Variants in PCDHGB1 observed in about 807,000 individuals in gnomAD.
PCDHGB1 encodes the protein protocadherin gamma subfamily B, 1, also known as protocadherin gamma-B1.
A neutral mutation model predicts 56.6 loss-of-function variants in PCDHGB1; 34 were observed. That is an observed-to-expected ratio of 0.60 (90% confidence interval 0.46 to 0.80). The LOEUF (loss-of-function observed/expected upper bound fraction) is 0.80, where lower values mean the gene tolerates loss of function less well. PCDHGB1 is among the 30% of genes least tolerant of loss of function. The probability of loss-of-function intolerance (pLI) is 0.00; values close to 1 mark genes in which losing one functional copy is unlikely to be tolerated. For missense variants in PCDHGB1, 1,278 were observed against 1,204.6 expected (o/e 1.06, Z -0.90); for synonymous variants, 561 against 505.9 (o/e 1.11, Z -1.46).
chr5:141,364,466 G>C (rs1391136210), intron 1 of PCDHGB1: 2 of 1,613,872 alleles, frequency 1.2e-6, no homozygotes, highest in Non-Finnish European at 8.5e-7. Flanking sequence ...CTCCTTCGTC[G>C]GCAACATAGC....
chr5:141,449,475 C>T (rs1351574160), intron 1 of PCDHGB1, among the ~76,000 whole-genome samples: 8 of 150,696 alleles, frequency 5.3e-5, no homozygotes, highest in African/African-American at 1.9e-4. Flanking sequence ...GGCCTGGTAC[C>T]CCATGCCTAA....
chr5:141,410,086 G>C (rs759204005), intron 1 of PCDHGB1: 1 of 1,612,588 alleles, frequency 6.2e-7, no homozygotes, highest in Non-Finnish European at 8.5e-7. Flanking sequence ...AGGTGCGCAC[G>C]GCTCGAGCCT....
Position 141,477,029 on chromosome 5 carries a change from A to T in PCDHGB1, c.2410-17778A>T, listed in dbSNP as rs754045855. ...CTTAGACCTTGTAACCGGGATGCTG[A>T]CAATCAAGGGTCGGCTGGACTTCGA... On this transcript the variant is annotated intron_variant, in intron 1 of 3. Transcript: ENST00000523390. This position sits in a 1 kb window ranked among gnomAD's most constrained non-coding sequence, Gnocchi z 4.9. 2 of 1,614,238 alleles carry T rather than the reference A, an allele frequency of 1.2e-6. No homozygotes were observed. The highest frequency in any genetic ancestry group is 3.3e-5 in the Admixed American group (2 of 60,028).
Position 141,505,420 on chromosome 5 carries a change from C to G in PCDHGB1, c.2496C>G (p.Thr832=), listed in dbSNP as rs1236398971. 6.2e-7 allele frequency: 1 copy of G among 1,614,102 alleles called. No individual in the cohort carries two copies. Among genetic ancestry groups the G allele is most frequent in the Non-Finnish European group, 8.5e-7 (1 of 1,180,034 alleles). ...SGSQNGDDTG[T]WPNNQFDTEM... is the part of the protein sequence containing the mutation. ...CCCAAAATGGCGATGACACCGGCACCTGGCCCAACAACCAGTTTGACACAG... is the reference window on the plus strand; with the variant it reads ...CCCAAAATGGCGATGACACCGGCACGTGGCCCAACAACCAGTTTGACACAG... The change falls in exon 3 of 4, where the codon ACC becomes ACG. Residue 832 remains threonine (T), a synonymous_variant. Coordinates refer to ENST00000523390, the MANE Select transcript of PCDHGB1 (RefSeq NM_018922.3).
intron 1 of PCDHGB1, among the ~76,000 whole-genome samples, chr5:141,358,907 T>C (rs1050690126): frequency 3.3e-5 from 5 of 152,202 alleles, no homozygotes; most frequent in African/African-American, 1.2e-4. Context: ...TGAGGGAAAA[T>C]ATTTTGTGTG....
At chr5:141,411,425 A>AC (rs971774943) in intron 1 of PCDHGB1, 58 of 150,512 alleles carry the variant, frequency 3.9e-4, no homozygotes, top group African/African-American at 1.4e-3. Flanking sequence ...AACAACAACA[A>AC]AAAAAAACAT....
At chr5:141,393,000 G>C (rs772046833) in intron 1 of PCDHGB1, 5 of 1,613,856 alleles carry the variant, frequency 3.1e-6, no homozygotes, top group African/African-American at 1.3e-5. Context: ...GGCGAAGCAC[G>C]GAGTCCGTAT....
intron 1 of PCDHGB1, chr5:141,384,205 A>T: frequency 6.2e-7 from 1 of 1,613,874 alleles, no homozygotes; most frequent in Non-Finnish European, 8.5e-7. Context: ...GTCCAGGGAA[A>T]CTCACATATT....
At chr5:141,418,407 A>C (rs1165583519) in intron 1 of PCDHGB1, 1 of 1,613,926 alleles carries the variant, frequency 6.2e-7, no homozygotes, top group Non-Finnish European at 8.5e-7. Flanking sequence ...TTGGTGGAGA[A>C]AGACAATCCT....
intron 1 of PCDHGB1, among the ~76,000 whole-genome samples, chr5:141,381,695 T>C (rs1479367517): frequency 6.6e-6 from 1 of 152,164 alleles, no homozygotes; most frequent in Non-Finnish European, 1.5e-5. Flanking sequence ...CAAACAACGA[T>C]TTCTTTCTTT....
Position 141,393,949 on chromosome 5 carries a change from A to G in PCDHGB1, c.2409+41280A>G, listed in dbSNP as rs370166968. 2.5e-6 allele frequency: 4 copies of G among 1,613,874 alleles called. No individual in the cohort carries two copies. The highest frequency in any genetic ancestry group is 3.4e-6 in the Non-Finnish European group (4 of 1,179,890). Reference sequence around the variant, plus strand: ...GTGCATGACCAAGACTCTGGAAAGAATGGTCAAGTTGTCTGTTACACACGT... The same window carrying G: ...GTGCATGACCAAGACTCTGGAAAGAGTGGTCAAGTTGTCTGTTACACACGT... On this transcript the variant is annotated intron_variant, in intron 1 of 3. Coordinates refer to ENST00000523390, the MANE Select transcript of PCDHGB1 (RefSeq NM_018922.3).
In PCDHGB1 at chr5:141,505,470, C is replaced by T. The variant is rs1241228956; in HGVS notation, c.2546C>T (p.Ala849Val). Reference protein sequence around the residue: ...DTEMLQAMILASASEAADGSS... With the variant: ...DTEMLQAMILVSASEAADGSS... ...GAGATGCTGCAAGCCATGATCTTGG[C>T]GTCCGCCAGTGGTAAGTGGTGTCAG... The change falls in exon 3 of 4, where the codon GCG becomes GTG. Residue 849 changes from alanine (A) to valine (V), a missense_variant. By Grantham distance (64) the Ala-to-Val change is moderately conservative. Transcript: ENST00000523390. 2 of 1,614,068 alleles carry T rather than the reference C, an allele frequency of 1.2e-6. No individual in the cohort carries two copies. Among genetic ancestry groups the T allele is most frequent in the Non-Finnish European group, 8.5e-7 (1 of 1,180,010 alleles).
intron 1 of PCDHGB1, chr5:141,394,519 C>T: frequency 6.2e-7 from 1 of 1,614,240 alleles, no homozygotes; most frequent in Non-Finnish European, 8.5e-7. Flanking sequence ...GCCCTCCCCA[C>T]AGACGGTTCC....
intron 1 of PCDHGB1, chr5:141,371,312 A>T (rs889882138): frequency 1.9e-6 from 3 of 1,613,910 alleles, no homozygotes; most frequent in African/African-American, 2.7e-5. Context: ...CTATTGGAGA[A>T]CTGGACTTTG....
chr5:141,359,844 A>C (rs1481453011), intron 1 of PCDHGB1, among the ~76,000 whole-genome samples: 1 of 152,184 alleles, frequency 6.6e-6, no homozygotes, highest in Non-Finnish European at 1.5e-5. Flanking sequence ...ACAAATGAAG[A>C]CTTTATAAAT....
intron 2 of PCDHGB1, among the ~76,000 whole-genome samples, chr5:141,496,505 A>G (rs1166234572): frequency 1.3e-5 from 2 of 152,144 alleles, no homozygotes; most frequent in Non-Finnish European, 2.9e-5. Flanking sequence ...TGTTGCCACA[A>G]GGACCCAGGA....
At chr5:141,428,134 T>C (rs746772496) in intron 1 of PCDHGB1, 1 of 1,600,266 alleles carries the variant, frequency 6.2e-7, no homozygotes, top group Non-Finnish European at 8.5e-7. Flanking sequence ...CTTTTCAGCC[T>C]GGGGCTGCAC....
At chr5:141,364,994 C>A (rs1469218354) in intron 1 of PCDHGB1, 1 of 1,613,924 alleles carries the variant, frequency 6.2e-7, no homozygotes, top group South Asian at 1.1e-5. Context: ...AGACCCGGTA[C>A]TCTCCGGCAC....
chr5:141,436,298 T>C (rs1480546595), intron 1 of PCDHGB1, among the ~76,000 whole-genome samples: 3 of 152,186 alleles, frequency 2.0e-5, no homozygotes, highest in Non-Finnish European at 4.4e-5. Flanking sequence ...CATTGAGAGT[T>C]AGAGCATGAA....
Sources: allele counts gnomAD v4.1 joint callset (sites outside exome capture counted in the v4.1 genomes callset), GRCh38; gene constraint gnomAD v4.1.1; non-coding constraint Gnocchi (gnomAD v3.1); transcripts MANE v1.5; gene names NCBI Gene and HGNC (gene_info 2026-07-23, HGNC 2026-07-21).